GTF2IRD1: variants seen among roughly 807,000 people sequenced by gnomAD.
GTF2IRD1 encodes GTF2I repeat domain containing 1, also known as general transcription factor II-I repeat domain-containing protein 1.
A neutral mutation model predicts 113.2 loss-of-function variants in GTF2IRD1; 26 were observed. The observed-to-expected ratio is 0.23, with a 90% CI of 0.17 to 0.32. The LOEUF is 0.32. Ranked by LOEUF, GTF2IRD1 falls within the 10% of genes least tolerant of loss-of-function variation. The probability of loss-of-function intolerance (pLI) is 1.00; values close to 1 mark genes in which losing one functional copy is unlikely to be tolerated. For synonymous variants in GTF2IRD1, 484 were observed against 529.1 expected (o/e 0.91, Z 1.17); for missense variants, 864 against 1,280.8 (o/e 0.67, Z 4.97).
intron 25 of GTF2IRD1, among the ~76,000 whole-genome samples, chr7:74,596,693 C>T (rs781934253): frequency 1.3e-5 from 2 of 152,018 alleles, no homozygotes; most frequent in African/African-American, 2.4e-5. Context: ...GTGGCTCACG[C>T]CTCTAATCCC....
chr7:74,576,080 G>C (rs587718700), intron 22 of GTF2IRD1, among the ~76,000 whole-genome samples: 2 of 152,062 alleles, frequency 1.3e-5, no homozygotes, highest in East Asian at 1.9e-4. Context: ...AGGATGACTT[G>C]AGCTCAGGAG....
At chr7:74,520,842 CTATTATTATTATTATTAT>C (rs200488760) in intron 6 of GTF2IRD1, among the ~76,000 whole-genome samples, 10 of 129,088 alleles carry the variant, frequency 7.7e-5, no homozygotes, top group Admixed American at 2.5e-4. Flanking sequence ...GTTATATATA[CTATTATTATTATTATTAT>C]TATTATTATT....
chr7:74,524,607 T>C (rs1256431807), intron 8 of GTF2IRD1, among the ~76,000 whole-genome samples: 2 of 152,218 alleles, frequency 1.3e-5, no homozygotes, highest in Admixed American at 1.3e-4. Context: ...GGCTCATGCC[T>C]GTAATCCCAG....
chr7:74,520,769 CAAAA>C (rs1156355118), intron 6 of GTF2IRD1, among the ~76,000 whole-genome samples: 6 of 48,498 alleles, frequency 1.2e-4, no homozygotes, highest in South Asian at 8.1e-4. Flanking sequence ...CTATCTCTAC[CAAAA>C]AAAAAAAAAA....
intron 22 of GTF2IRD1, chr7:74,571,239 G>A (rs192807531): frequency 1.5e-5 from 6 of 406,988 alleles, no homozygotes; most frequent in Admixed American, 6.4e-5. Context: ...AATTGCCCAC[G>A]CCACGTCTGC....
chr7:74,476,032 C>T (rs1794384118), intron 1 of GTF2IRD1, among the ~76,000 whole-genome samples: 1 of 152,142 alleles, frequency 6.6e-6, no homozygotes, highest in Non-Finnish European at 1.5e-5. Context: ...GGTCCAGGTA[C>T]CCGATAACGG....
At chr7:74,548,146 G>A (rs1425697760) in intron 17 of GTF2IRD1, among the ~76,000 whole-genome samples, 1 of 152,168 alleles carries the variant, frequency 6.6e-6, no homozygotes, top group Non-Finnish European at 1.5e-5. Flanking sequence ...GCCCGGGCGC[G>A]GTGGCTCACG....
Position 74,557,656 on chromosome 7 carries a change from C to T in GTF2IRD1, c.2041C>T (p.Leu681Phe), listed in dbSNP as rs1554357487. 6.2e-7 allele frequency: 1 copy of T among 1,613,240 alleles called. No homozygotes were observed. The highest frequency in any genetic ancestry group is 1.1e-5 in the South Asian group (1 of 91,026). ...CTTTGCAGAAAATTATGACGCGAGG[C>T]TCTCACGGATCGACATCGCCAACAC... The part of the protein sequence containing the change: ...QGFQENYDAR[L>F]SRIDIANTLR... The change falls in exon 20 of 27, where the codon CTC becomes TTC. Residue 681 changes from leucine (L) to phenylalanine (F), a missense_variant. Coordinates refer to ENST00000424337, the MANE Select transcript of GTF2IRD1 (RefSeq NM_005685.4).
intron 25 of GTF2IRD1, among the ~76,000 whole-genome samples, chr7:74,599,517 C>T (rs1554373301): frequency 6.6e-6 from 1 of 152,070 alleles, no homozygotes; most frequent in Non-Finnish European, 1.5e-5. Flanking sequence ...CATCAGTTTT[C>T]CCAGATTCAC....
intron 7 of GTF2IRD1, among the ~76,000 whole-genome samples, chr7:74,523,155 G>C (rs1797388197): frequency 6.6e-6 from 1 of 152,172 alleles, no homozygotes; most frequent in Admixed American, 6.5e-5. Flanking sequence ...AGAGTTGGAG[G>C]CTGCTGTGAG....
chr7:74,584,661 A>AG (rs1257417316), intron 22 of GTF2IRD1, among the ~76,000 whole-genome samples: 1 of 152,148 alleles, frequency 6.6e-6, no homozygotes, highest in African/African-American at 2.4e-5. Flanking sequence ...GGAGGCCACC[A>AG]GGGGAGCTAG....
intron 22 of GTF2IRD1, among the ~76,000 whole-genome samples, chr7:74,586,452 T>C (rs1335086260): frequency 1.3e-5 from 2 of 152,048 alleles, no homozygotes; most frequent in African/African-American, 2.4e-5. Flanking sequence ...CTGGAATGGC[T>C]GATGTTTGCA....
intron 22 of GTF2IRD1, among the ~76,000 whole-genome samples, chr7:74,564,187 C>A (rs1301950464): frequency 1.3e-5 from 2 of 152,042 alleles, no homozygotes; most frequent in African/African-American, 2.4e-5. Flanking sequence ...CCATGACACT[C>A]GGCTAATTTT....
chr7:74,457,880 T>G (rs1305033211), intron 1 of GTF2IRD1, among the ~76,000 whole-genome samples: 1 of 147,570 alleles, frequency 6.8e-6, no homozygotes, highest in Non-Finnish European at 1.5e-5. Flanking sequence ...CGTTTTTGTT[T>G]TTTTTTTTTT....
intron 1 of GTF2IRD1, among the ~76,000 whole-genome samples, chr7:74,458,954 C>T (rs187090402): frequency 9.9e-4 from 150 of 152,186 alleles, no homozygotes; most frequent in African/African-American, 3.5e-3. Flanking sequence ...CCCCCAGGCC[C>T]GGCCTCATCA....
chr7:74,482,660 C>T (rs2117129598), intron 1 of GTF2IRD1, among the ~76,000 whole-genome samples: 1 of 152,302 alleles, frequency 6.6e-6, no homozygotes, highest in Admixed American at 6.5e-5. Flanking sequence ...CTCTCACCCC[C>T]TTCCAGTTAC....
At position 74,566,147 on chromosome 7, in the gene GTF2IRD1, C is replaced by T. The variant is rs587631331; in HGVS notation, c.2320+6492C>T. Among the ~76,000 whole-genome samples the T allele has an allele frequency of 2.1e-4, 32 of 152,226 alleles. No homozygotes were observed. In the East Asian group the frequency reaches 5.2e-3, roughly 25 times the overall value. ...ATGATGATACATTTCTTCCAGATTT[C>T]CCCCCAAGCTTATTAATTTTACATC... On this transcript the variant is annotated intron_variant, in intron 22 of 26. Transcript: ENST00000424337.
At chr7:74,594,726 C>G (rs1802300985) in intron 24 of GTF2IRD1, among the ~76,000 whole-genome samples, 1 of 152,018 alleles carries the variant, frequency 6.6e-6, no homozygotes. Context: ...TGGAGGCAGG[C>G]AGATCACCTG....
intron 2 of GTF2IRD1, among the ~76,000 whole-genome samples, chr7:74,509,494 C>G (rs1796498592): frequency 6.6e-6 from 1 of 151,898 alleles, no homozygotes; most frequent in African/African-American, 2.4e-5. Context: ...GATCGTGCCA[C>G]TGCACTTCAG....
Sources: gnomAD v4.1 joint callset for allele counts (sites outside exome capture counted in the v4.1 genomes callset) on GRCh38, gnomAD v4.1.1 for gene constraint, MANE v1.5 for transcripts, NCBI Gene and HGNC (gene_info 2026-07-23, HGNC 2026-07-21) for gene names.